Variants in DNAH8 observed in about 807,000 individuals in gnomAD.
DNAH8 encodes the protein axonemal beta dynein heavy chain 8.
In DNAH8, 382 loss-of-function variants were observed where a neutral mutation model predicts 562.1. That is an observed-to-expected ratio of 0.68 (90% CI 0.63 to 0.74). The LOEUF (loss-of-function observed/expected upper bound fraction) is 0.74. Among genes scored for constraint, DNAH8 ranks in the 30% least tolerant of loss-of-function variants. The pLI is 0.00. For missense variants in DNAH8, 5,203 were observed against 5,620.4 expected, an observed-to-expected ratio of 0.93 and a Z score of 2.37; for synonymous variants, 1,881 against 1,919.4, an observed-to-expected ratio of 0.98 and a Z score of 0.52.
chr6:38,886,756 A>T (rs1167346168), intron 56 of DNAH8, 35 bp from the exon 57 acceptor site: 2 of 1,486,236 alleles, frequency 1.3e-6, no homozygotes, highest in East Asian at 2.3e-5. Flanking sequence ...TATGATAGTG[A>T]TATGTTACAA....
chr6:38,734,341 A>AATT, intron 4 of DNAH8, 133 bp from the exon 5 acceptor site: 2 of 791,780 alleles, frequency 2.5e-6, no homozygotes, highest in South Asian at 2.1e-5. Flanking sequence ...CCCCCAAAAA[A>AATT]ATTATTCTAT....
At position 38,886,863 on chromosome 6, in the gene DNAH8, A is replaced by C. The variant is rs996740160; in HGVS notation, c.8332A>C (p.Thr2778Pro). The C allele has an allele frequency of 6.2e-7, 1 of 1,614,008 alleles. No individual in the cohort carries two copies. Among genetic ancestry groups the C allele is most frequent in the African/African-American group, 1.3e-5 (1 of 74,942 alleles). Residue 2778 changes from threonine (T) to proline (P), a missense_variant, in exon 57 of 93, where the codon ACT becomes CCT. Physicochemically the swap from Thr to Pro is conservative, Grantham distance 38. This residue lies in a region of DNAH8 where 977 missense variants were observed against 1,061.8 expected (regional missense o/e 0.92). Coordinates refer to ENST00000327475, the MANE Select transcript of DNAH8 (RefSeq NM_001206927.2). ...CAGCTTGGACAAGCCTGGAGACTTC[A>C]CTACTATTGTTGATGTGCAGCTCAT... ...MYSLDKPGDF[T>P]TIVDVQLIAA...
In DNAH8 at chr6:38,781,322, C is replaced by T. The variant is rs749974468; in HGVS notation, c.2208C>T (p.Leu736=). ...TGCCCCCTATAGCAGGAAAAATACT[C>T]TGGGTGAGGCAGCTCTATCGCCGGA... is the stretch of plus-strand genomic sequence containing the variant. The part of the protein sequence containing the change: ...RNMPPIAGKI[L]WVRQLYRRIS... The change falls in exon 16 of 93, where the codon CTC becomes CTT. Residue 736 remains leucine (L), a synonymous_variant. Coordinates refer to ENST00000327475, the MANE Select transcript of DNAH8 (RefSeq NM_001206927.2). 3.1e-6 allele frequency: 5 copies of T among 1,613,960 alleles called. No individual in the cohort carries two copies. The highest frequency in any genetic ancestry group is 2.5e-6 in the Non-Finnish European group (3 of 1,179,940).
At chr6:38,737,482 T>C (rs1288206095) in intron 6 of DNAH8, among the ~76,000 whole-genome samples, 1 of 151,740 alleles carries the variant, frequency 6.6e-6, no homozygotes, top group Non-Finnish European at 1.5e-5. Flanking sequence ...TCTCTTTCTA[T>C]AATATTAATG....
Position 38,722,925 on chromosome 6 carries a change from T to G in DNAH8, c.116T>G (p.Val39Gly). 6.2e-7 allele frequency: 1 copy of G among 1,612,658 alleles called. No homozygotes were observed. ...GAAGAGGCCCCGCGCCCTCCGACAG[T>G]GGAGGCCCCGGCAGAAGATGGTTTC... The part of the protein sequence containing the change: ...EEEEAPRPPT[V>G]EAPAEDGFSP... Residue 39 changes from valine (V) to glycine (G), a missense_variant, in exon 2 of 93, where the codon GTG becomes GGG. Val to Gly is a moderately radical substitution (Grantham distance 109). Transcript: ENST00000327475.
intron 88 of DNAH8, among the ~76,000 whole-genome samples, chr6:39,000,491 G>C (rs1050650858): frequency 6.6e-6 from 1 of 152,156 alleles, no homozygotes; most frequent in African/African-American, 2.4e-5. Context: ...TCTGCTTCCC[G>C]TCAGATCAGT....
At chr6:38,901,078 CT>C (rs1198332970) in intron 62 of DNAH8, among the ~76,000 whole-genome samples, 4 of 150,888 alleles carry the variant, frequency 2.7e-5, no homozygotes, top group Non-Finnish European at 5.9e-5. Flanking sequence ...GTTTGCGATT[CT>C]TTCTTATTGA....
chr6:38,758,155 C>T (rs998897087), intron 10 of DNAH8, among the ~76,000 whole-genome samples: 6 of 152,198 alleles, frequency 3.9e-5, no homozygotes, highest in African/African-American at 1.2e-4. Flanking sequence ...TCTTCCTACC[C>T]ATGAGCATGG....
chr6:38,759,728 C>A (rs1240172771), intron 10 of DNAH8, among the ~76,000 whole-genome samples: 10 of 152,132 alleles, frequency 6.6e-5, no homozygotes, highest in Admixed American at 6.6e-4. Flanking sequence ...TCATTCCCCC[C>A]AACCCCCCAG....
chr6:38,904,792 C>CACAAAA (rs1780325524), intron 62 of DNAH8, among the ~76,000 whole-genome samples: 2 of 86,396 alleles, frequency 2.3e-5, no homozygotes, highest in African/African-American at 4.5e-5. Flanking sequence ...AACTCCGTCT[C>CACAAAA]AAAAAAAAAA....
At position 39,004,430 on chromosome 6, in the gene DNAH8, A is replaced by G. The variant is rs79795093; in HGVS notation, c.13215-4384A>G. 2.6e-4 allele frequency among the ~76,000 whole-genome samples: 39 copies of G among 152,322 alleles called. 1 individual carries two copies. In the East Asian group the frequency reaches 3.3e-3, roughly 13 times the overall value. ...TCTATACTTCAAACCTTCCAACAGA[A>G]TAACCTCCCTCCTTTCTAAAGTATA... On this transcript the variant is annotated intron_variant, in intron 88 of 92. Coordinates refer to ENST00000327475, the MANE Select transcript of DNAH8 (RefSeq NM_001206927.2).
In DNAH8 at chr6:38,770,409, A is replaced by G. The variant is rs1264382081; in HGVS notation, c.1618-4A>G. On this transcript the variant is annotated splice_region_variant and splice_polypyrimidine_tract_variant and intron_variant, in intron 11 of 92. Coordinates refer to ENST00000327475, the MANE Select transcript of DNAH8 (RefSeq NM_001206927.2). ...TTTCCCTATTTCTTTTACTTTTCTC[A>G]TAGGACTGCATTTTTCTATTCAAGG... 3.9e-6 allele frequency: 6 copies of G among 1,554,240 alleles called. No individual in the cohort carries two copies. Among genetic ancestry groups the G allele is most frequent in the South Asian group, 1.2e-5 (1 of 82,750 alleles).
Position 38,951,482 on chromosome 6 carries a change from C to A in DNAH8, c.12413C>A (p.Thr4138Asn), listed in dbSNP as rs1279048073. 6.2e-7 allele frequency: 1 copy of A among 1,613,942 alleles called. No individual in the cohort carries two copies. The highest frequency in any genetic ancestry group is 1.3e-5 in the African/African-American group (1 of 74,904). Residue 4138 changes from threonine to asparagine, a missense_variant, in exon 82 of 93, where the codon ACC (threonine) becomes AAC (asparagine). Transcript: ENST00000327475. ...ICFLSMGSDP[T>N]NQIDALAKKL... is the part of the protein sequence containing the mutation. ...TTCCTGTCCATGGGATCTGACCCCA[C>A]CAATCAAATTGATGCATTGGCCAAG...
At chr6:38,730,078 T>C (rs1763545680) in intron 4 of DNAH8, 92 bp downstream of exon 4, 3 of 622,826 alleles carry the variant, frequency 4.8e-6, no homozygotes, top group Non-Finnish European at 8.5e-6. Flanking sequence ...TAATCCTTTA[T>C]TTATAAAGAA....
intron 1 of DNAH8, among the ~76,000 whole-genome samples, chr6:38,721,118 T>C (rs7749765): frequency 0.43 from 64,625 of 151,820 alleles, 14,547 homozygotes; most frequent in East Asian, 0.88. Context: ...TTGTGACCAG[T>C]CTGAGCAACA....
intron 6 of DNAH8, 125 bp from the exon 7 acceptor site, chr6:38,737,684 C>A: frequency 3.0e-6 from 1 of 334,716 alleles, no homozygotes; most frequent in Non-Finnish European, 4.8e-6. Flanking sequence ...TAAAAGTACA[C>A]ATTGACTTTT....
At chr6:38,856,553 T>G (rs542202689) in intron 41 of DNAH8, among the ~76,000 whole-genome samples, 6 of 152,248 alleles carry the variant, frequency 3.9e-5, no homozygotes, top group African/African-American at 1.4e-4. Context: ...CTGACCAGAA[T>G]CTGCTTGCTC....
chr6:38,836,336 A>G (rs1774290348), intron 32 of DNAH8, among the ~76,000 whole-genome samples: 1 of 151,858 alleles, frequency 6.6e-6, no homozygotes, highest in Non-Finnish European at 1.5e-5. Context: ...AATCCCAGCT[A>G]CTCAGGAGGC....
At position 38,750,534 on chromosome 6, in the gene DNAH8, T is replaced by C. The variant is rs200355421; in HGVS notation, c.1352T>C (p.Val451Ala). 1.3e-4 allele frequency: 212 copies of C among 1,612,358 alleles called. No individual in the cohort carries two copies. In the South Asian group the frequency reaches 2.2e-3, roughly 17 times the overall value. ...ACAGCAAATGAATCCAAAGATAATG[T>C]CAGATATTTGTATACTTTGGAAAAA... ...TDTANESKDN[V>A]RYLYTLEKVC... The change falls in exon 9 of 93, where the codon GTC becomes GCC. Residue 451 changes from valine (V) to alanine (A), a missense_variant. Physicochemically the swap from Val to Ala is moderately conservative, Grantham distance 64. This residue lies in a region of DNAH8 where 2,176 missense variants were observed against 2,365.1 expected (regional missense o/e 0.92). Coordinates refer to ENST00000327475, the MANE Select transcript of DNAH8 (RefSeq NM_001206927.2).
Sources: allele counts gnomAD v4.1 joint callset (sites outside exome capture counted in the v4.1 genomes callset), GRCh38; gene constraint gnomAD v4.1.1; regional missense constraint gnomAD v4.1.1; transcripts MANE v1.5; gene names NCBI Gene and HGNC (gene_info 2026-07-23, HGNC 2026-07-21).